The following NAALADL2 variants were observed in gnomAD, a reference collection of about 807,000 sequenced individuals.
The protein encoded by NAALADL2 is N-acetylated alpha-linked acidic dipeptidase like 2.
NAALADL2 carries 76 observed loss-of-function variants against 87.2 expected under a neutral mutation model. The observed-to-expected ratio is 0.87, with a 90% CI of 0.72 to 1.05. NAALADL2 has a LOEUF of 1.05. NAALADL2 is among the 50% of genes least tolerant of loss of function. The pLI is 0.00. For synonymous variants in NAALADL2, 354 were observed against 331.0 expected, an observed-to-expected ratio of 1.07 and a Z score of -0.75; for missense variants, 1,089 against 945.8, an observed-to-expected ratio of 1.15 and a Z score of -1.99.
intron 3 of NAALADL2, among the ~76,000 whole-genome samples, chr3:174,787,601 A>ATATATATATATATATG (rs1716920573): frequency 1.2e-4 from 11 of 91,208 alleles, no homozygotes; most frequent in African/African-American, 3.9e-4. Flanking sequence ...ATATATATAT[A>ATATATATATATATATG]TATATATATA....
chr3:175,176,744 G>A (rs1336798245), intron 2 of NAALADL2, among the ~76,000 whole-genome samples: 1 of 151,970 alleles, frequency 6.6e-6, no homozygotes. Flanking sequence ...GATGGAGTAA[G>A]GGGTCGGAGC....
At chr3:174,785,996 A>AT (rs1716592535) in intron 3 of NAALADL2, among the ~76,000 whole-genome samples, 1 of 152,182 alleles carries the variant, frequency 6.6e-6, no homozygotes, top group African/African-American at 2.4e-5. Flanking sequence ...GTGTAAAGGC[A>AT]CAGGAATTAC....
intron 2 of NAALADL2, among the ~76,000 whole-genome samples, chr3:175,132,614 C>T (rs1185157098): frequency 8.6e-6 from 1 of 116,152 alleles, no homozygotes; most frequent in Non-Finnish European, 1.8e-5. Flanking sequence ...AGGGGGCTGA[C>T]CCCCCCACCT....
intron 3 of NAALADL2, among the ~76,000 whole-genome samples, chr3:174,742,165 T>A (rs1017431973): frequency 6.6e-6 from 1 of 151,704 alleles, no homozygotes; most frequent in Non-Finnish European, 1.5e-5. Flanking sequence ...TTAAAATTTT[T>A]CAAGGACCAT....
chr3:175,006,253 C>T (rs1171330508), intron 1 of NAALADL2, among the ~76,000 whole-genome samples: 2 of 152,174 alleles, frequency 1.3e-5, no homozygotes, highest in African/African-American at 2.4e-5. Flanking sequence ...GCACTTTCAC[C>T]ACTCTCACAA....
chr3:174,739,009 T>A (rs369221610), intron 3 of NAALADL2, among the ~76,000 whole-genome samples: 1 of 152,198 alleles, frequency 6.6e-6, no homozygotes, highest in Non-Finnish European at 1.5e-5. Flanking sequence ...GATTAGCAGC[T>A]TATTTCTTAA....
intron 1 of NAALADL2, among the ~76,000 whole-genome samples, chr3:174,991,252 TACAAG>T (rs1746702160): frequency 6.6e-6 from 1 of 152,096 alleles, no homozygotes; most frequent in African/African-American, 2.4e-5. Flanking sequence ...GAACAGTAAA[TACAAG>T]AGACAATTTT....
At chr3:175,664,768 T>C (rs891666787) in intron 11 of NAALADL2, among the ~76,000 whole-genome samples, 2 of 152,172 alleles carry the variant, frequency 1.3e-5, no homozygotes, top group African/African-American at 2.4e-5. Flanking sequence ...TCACTTTGAC[T>C]TGTATTAAGT....
chr3:174,608,015 C>T (rs1168221640), intron 2 of NAALADL2, among the ~76,000 whole-genome samples: 2 of 152,198 alleles, frequency 1.3e-5, no homozygotes, highest in Non-Finnish European at 2.9e-5. Context: ...AAGAAACTCA[C>T]TCAAAACTGC....
chr3:174,925,587 G>GT (rs1735895108), intron 1 of NAALADL2, among the ~76,000 whole-genome samples: 1 of 152,324 alleles, frequency 6.6e-6, no homozygotes, highest in Admixed American at 6.5e-5. Flanking sequence ...CTTTAAAGTA[G>GT]TTTTTTCCAA....
At chr3:174,807,846 T>C (rs893658960) in intron 3 of NAALADL2, among the ~76,000 whole-genome samples, 2 of 150,504 alleles carry the variant, frequency 1.3e-5, no homozygotes, top group Non-Finnish European at 3.0e-5. Context: ...AAAATAATAG[T>C]TTGCTTATCA....
At chr3:174,654,827 C>T (rs1407708250) in intron 2 of NAALADL2, among the ~76,000 whole-genome samples, 3 of 152,134 alleles carry the variant, frequency 2.0e-5, no homozygotes, top group Admixed American at 2.0e-4. Flanking sequence ...GCTCTGCCTC[C>T]CGGGTTCAAG....
At chr3:175,191,506 T>C (rs1408914023) in intron 2 of NAALADL2, among the ~76,000 whole-genome samples, 1 of 152,074 alleles carries the variant, frequency 6.6e-6, no homozygotes, top group African/African-American at 2.4e-5. Flanking sequence ...TTGTCAAAAA[T>C]GATGTCAGGG....
chr3:175,007,915 A>T (rs1486319049), intron 1 of NAALADL2, among the ~76,000 whole-genome samples: 1 of 152,106 alleles, frequency 6.6e-6, no homozygotes, highest in African/African-American at 2.4e-5. Context: ...GCACCGCACC[A>T]CAGCCACCAT....
intron 11 of NAALADL2, among the ~76,000 whole-genome samples, chr3:175,655,800 A>T: frequency 6.6e-6 from 1 of 152,150 alleles, no homozygotes; most frequent in African/African-American, 2.4e-5. Context: ...TTACTTTTCC[A>T]TTTTCTATTC....
chr3:175,321,258 C>G (rs1759819753), intron 4 of NAALADL2, among the ~76,000 whole-genome samples: 1 of 140,420 alleles, frequency 7.1e-6, no homozygotes, highest in Admixed American at 7.3e-5. Flanking sequence ...TCAATAGATG[C>G]AGAAAAAGCC....
rs537016137 is a variant in NAALADL2, at chr3:175,712,667, C to T, written c.1897-24639C>T. On this transcript the variant is annotated intron_variant, in intron 11 of 13. Transcript: ENST00000454872. ...ACTATACTTCCATCATGTATAGATG[C>T]ATCAGAAGGTTCTGTCTGTGGGGAA... is the stretch of plus-strand genomic sequence containing the variant. Among the ~76,000 whole-genome samples the T allele has an allele frequency of 2.0e-5, 3 of 152,216 alleles. No homozygotes were observed. In the East Asian group the frequency reaches 5.8e-4, roughly 29 times the overall value.
At chr3:175,028,108 AG>A (rs1238147201) in intron 1 of NAALADL2, among the ~76,000 whole-genome samples, 1 of 151,982 alleles carries the variant, frequency 6.6e-6, no homozygotes, top group Non-Finnish European at 1.5e-5. Context: ...CAGGAGTAAA[AG>A]GTTTCCTACG....
In NAALADL2 at chr3:174,450,869, CAAAAAAAAAAAAAA is replaced by C. The variant is rs761513802; in HGVS notation, c.-184+9848_-184+9861del. On this transcript the variant is annotated intron_variant, in intron 1 of 3. Coordinates refer to the NAALADL2 transcript ENST00000434257. ...TGGGCAACAGAATGAGACTCTGTCT[CAAAAAAAAAAAAAA>C]AAAAAAAAAAGAAAGAAAGAAAAAG... Among the ~76,000 whole-genome samples the C allele has an allele frequency of 4.0e-5, 3 of 74,888 alleles. No individual in the cohort carries two copies. The East Asian group carries it at 9.2e-4, about 23-fold the overall frequency. 49.1% of individuals were successfully genotyped at this position (74,888 alleles called of 152,430 possible).
Sources: gnomAD v4.1 joint callset for allele counts (sites outside exome capture counted in the v4.1 genomes callset) on GRCh38, gnomAD v4.1.1 for gene constraint, MANE v1.5 for transcripts, NCBI Gene and HGNC (gene_info 2026-07-23, HGNC 2026-07-21) for gene names.